STK32B: variants seen among roughly 807,000 people sequenced by gnomAD.
STK32B encodes serine/threonine kinase 32B.
A neutral mutation model predicts 52.6 loss-of-function variants in STK32B; 43 were observed. The observed-to-expected ratio is 0.82, with a 90% CI of 0.64 to 1.05. STK32B has a LOEUF of 1.05. Among genes scored for constraint, STK32B ranks in the 50% least tolerant of loss-of-function variants. The pLI, the probability that STK32B is intolerant of heterozygous loss-of-function variation, is 0.00. For missense variants in STK32B, 621 were observed against 534.6 expected, an observed-to-expected ratio of 1.16 and a Z score of -1.59; for synonymous variants, 238 against 204.3, an observed-to-expected ratio of 1.17 and a Z score of -1.41.
intron 7 of STK32B, among the ~76,000 whole-genome samples, chr4:5,448,724 A>G (rs1715703785): frequency 6.6e-6 from 1 of 152,138 alleles, no homozygotes. Flanking sequence ...ATGATGGGGG[A>G]TCCAGGCCTT....
intron 3 of STK32B, among the ~76,000 whole-genome samples, chr4:5,191,512 C>T (rs921090736): frequency 6.6e-6 from 1 of 151,872 alleles, no homozygotes; most frequent in Non-Finnish European, 1.5e-5. Flanking sequence ...CCTCGGCATC[C>T]CAAAGTGCTG....
intron 11 of STK32B, among the ~76,000 whole-genome samples, chr4:5,478,736 C>G (rs1312927830): frequency 1.3e-5 from 2 of 152,170 alleles, no homozygotes; most frequent in Non-Finnish European, 2.9e-5. Flanking sequence ...CCATAGAAGC[C>G]AAGGTGTTAC....
intron 6 of STK32B, among the ~76,000 whole-genome samples, chr4:5,417,592 AT>A (rs1329197083): frequency 6.6e-6 from 1 of 151,808 alleles, no homozygotes; most frequent in African/African-American, 2.4e-5. Context: ...TTCTGAAATC[AT>A]TTTCCCTTTA....
At chr4:5,162,210 C>T (rs538910218) in intron 2 of STK32B, among the ~76,000 whole-genome samples, 23 of 152,262 alleles carry the variant, frequency 1.5e-4, no homozygotes, top group Admixed American at 1.1e-3. Context: ...TGCTAACCAG[C>T]GATTAGAGCC....
rs111304159 is a variant in STK32B, at chr4:5,210,249, C to T, written c.260+41799C>T. 5.0e-3 allele frequency among the ~76,000 whole-genome samples: 762 copies of T among 151,930 alleles called. 5 individuals are homozygous for T. Among genetic ancestry groups the T allele is most frequent in the African/African-American group, 0.016 (684 of 41,460 alleles). On this transcript the variant is annotated intron_variant, in intron 3 of 11. Transcript: ENST00000282908. Reference sequence around the variant, plus strand: ...CCTCCTCCTCTTTCTTCTTCTTCTTCTCCTCCTCCTCCTCCTCAAGGCTTT... The same window carrying T: ...CCTCCTCCTCTTTCTTCTTCTTCTTTTCCTCCTCCTCCTCCTCAAGGCTTT...
intron 3 of STK32B, among the ~76,000 whole-genome samples, chr4:5,282,914 G>A (rs1002705971): frequency 6.6e-6 from 1 of 151,972 alleles, no homozygotes; most frequent in Non-Finnish European, 1.5e-5. Context: ...GTTGACCGTG[G>A]GTAACTGAAA....
At chr4:5,392,519 A>G (rs1041035564) in intron 4 of STK32B, among the ~76,000 whole-genome samples, 1 of 152,030 alleles carries the variant, frequency 6.6e-6, no homozygotes, top group African/African-American at 2.4e-5. Context: ...AATTCTGGGA[A>G]CCCCAATTTA....
chr4:5,264,558 G>A (rs7662082), intron 3 of STK32B, among the ~76,000 whole-genome samples: 12,263 of 151,974 alleles, frequency 0.081, 539 homozygotes, highest in South Asian at 0.099. Context: ...AGGCTGAGGC[G>A]GGCGGATCAC....
intron 4 of STK32B, among the ~76,000 whole-genome samples, chr4:5,364,220 A>G (rs10007122): frequency 0.05 from 7,650 of 152,316 alleles, 297 homozygotes; most frequent in African/African-American, 0.1. Context: ...GCATCTTGTC[A>G]TAATTGTTTG....
chr4:5,194,659 T>C (rs1046428357), intron 3 of STK32B, among the ~76,000 whole-genome samples: 1 of 152,232 alleles, frequency 6.6e-6, no homozygotes, highest in Non-Finnish European at 1.5e-5. Context: ...CTCACTGCTA[T>C]AAAGAAATAC....
chr4:5,075,370 C>G (rs984927755), intron 1 of STK32B, among the ~76,000 whole-genome samples: 2 of 152,144 alleles, frequency 1.3e-5, no homozygotes, highest in Admixed American at 1.3e-4. Context: ...TTATTAATGT[C>G]CATGACATTG....
rs143414838 is a variant in STK32B at position 5,403,294 on chromosome 4, C to G, written c.472+5050C>G. ...CACTTCCTCTAATTCCCCTAGGTACCAGACAACTAGAGACAGCCCCTAAAA... is the reference window on the plus strand; with the variant it reads ...CACTTCCTCTAATTCCCCTAGGTACGAGACAACTAGAGACAGCCCCTAAAA... On this transcript the variant is annotated intron_variant, in intron 5 of 11. Transcript: ENST00000282908. 5.3e-3 allele frequency among the ~76,000 whole-genome samples: 803 copies of G among 152,312 alleles called. 3 individuals are homozygous for G. The highest frequency in any genetic ancestry group is 8.3e-3 in the Non-Finnish European group (568 of 68,032).
chr4:5,172,487 A>G (rs369351024), intron 3 of STK32B, among the ~76,000 whole-genome samples: 27,845 of 151,078 alleles, frequency 0.18, 3,193 homozygotes, highest in East Asian at 0.3. Context: ...TGTCCCATCA[A>G]TACCTAATTT....
At chr4:5,363,395 A>C (rs548535191) in intron 4 of STK32B, among the ~76,000 whole-genome samples, 7 of 152,330 alleles carry the variant, frequency 4.6e-5, no homozygotes, top group African/African-American at 1.7e-4. Context: ...AGGGTGATCC[A>C]GGGTTGGCAC....
At chr4:5,120,278 G>A (rs1369920484) in intron 1 of STK32B, among the ~76,000 whole-genome samples, 1 of 152,204 alleles carries the variant, frequency 6.6e-6, no homozygotes, top group Non-Finnish European at 1.5e-5. Flanking sequence ...GAAGGCAATA[G>A]TAGCCTAGCG....
chr4:5,104,423 A>G (rs1325568351), intron 1 of STK32B, among the ~76,000 whole-genome samples: 1 of 152,202 alleles, frequency 6.6e-6, no homozygotes. Flanking sequence ...TGTCTTTATT[A>G]GCAGCATAAG....
Position 5,492,767 on chromosome 4 carries a change from T to G in STK32B, c.1107-6178T>G, listed in dbSNP as rs1286529494. Among the ~76,000 whole-genome samples, 21 of 151,448 alleles carry G rather than the reference T, an allele frequency of 1.4e-4. 1 individual carries two copies. Among genetic ancestry groups the G allele is most frequent in the African/African-American group, 5.2e-4 (21 of 40,712 alleles). On this transcript the variant is annotated intron_variant, in intron 11 of 11. Coordinates refer to ENST00000282908, the MANE Select transcript of STK32B (RefSeq NM_018401.3). Reference sequence around the variant, plus strand: ...TACGTCCCATCAATACCAAATTTCTTGAGAGTTTTTAGCATGAAGGGTTGT... The same window carrying G: ...TACGTCCCATCAATACCAAATTTCTGGAGAGTTTTTAGCATGAAGGGTTGT...
chr4:5,075,681 A>C (rs1250157154), intron 1 of STK32B, among the ~76,000 whole-genome samples: 1 of 152,104 alleles, frequency 6.6e-6, no homozygotes, highest in East Asian at 1.9e-4. Context: ...AAAATTTAGG[A>C]AACCTGAAAA....
At chr4:5,106,245 G>C (rs563884322) in intron 1 of STK32B, among the ~76,000 whole-genome samples, 38 of 152,202 alleles carry the variant, frequency 2.5e-4, no homozygotes, top group African/African-American at 8.9e-4. Context: ...AGGTTGCAGT[G>C]AGCCAAGATC....
Sources: allele counts gnomAD v4.1 joint callset (sites outside exome capture counted in the v4.1 genomes callset), GRCh38; gene constraint gnomAD v4.1.1; transcripts MANE v1.5; gene names NCBI Gene and HGNC (gene_info 2026-07-23, HGNC 2026-07-21).